Variants in MCTP1 observed in about 807,000 individuals in gnomAD.
MCTP1 encodes multiple C2 and transmembrane domain-containing protein 1.
A neutral mutation model predicts 120.6 loss-of-function variants in MCTP1; 69 were observed. That is an observed-to-expected ratio of 0.57 (90% CI 0.47 to 0.70). The LOEUF is 0.70. Among genes scored for constraint, MCTP1 ranks in the 30% least tolerant of loss-of-function variants. The pLI, the probability that MCTP1 is intolerant of heterozygous loss-of-function variation, is 0.00. For missense variants in MCTP1, 1,203 were observed against 1,248.8 expected (o/e 0.96, Z 0.55); for synonymous variants, 529 against 493.1 (o/e 1.07, Z -0.96).
At chr5:94,970,344 G>A (rs1161184993) in intron 2 of MCTP1, among the ~76,000 whole-genome samples, 1 of 151,654 alleles carries the variant, frequency 6.6e-6, no homozygotes, top group Non-Finnish European at 1.5e-5. Flanking sequence ...TTCAAATTTG[G>A]GATATATATG....
chr5:94,863,665 C>T (rs1254626433), intron 17 of MCTP1, among the ~76,000 whole-genome samples: 2 of 151,812 alleles, frequency 1.3e-5, no homozygotes, highest in Non-Finnish European at 2.9e-5. Flanking sequence ...TTTGTAATAA[C>T]TTTTTAAAAA....
intron 1 of MCTP1, among the ~76,000 whole-genome samples, chr5:95,055,236 T>C (rs1747070902): frequency 6.6e-6 from 1 of 152,218 alleles, no homozygotes; most frequent in South Asian, 2.1e-4. Context: ...TTTTTAACTG[T>C]ATTTACTGGA....
At chr5:95,202,820 T>C (rs1751218581) in intron 1 of MCTP1, among the ~76,000 whole-genome samples, 1 of 152,138 alleles carries the variant, frequency 6.6e-6, no homozygotes, top group Non-Finnish European at 1.5e-5. Flanking sequence ...CACCGCCTCC[T>C]GGGCTCAAGA....
Position 95,284,308 on chromosome 5 carries a change from G to A in MCTP1, c.268C>T (p.Arg90Ter), listed in dbSNP as rs778611095. 3.1e-6 allele frequency: 5 copies of A among 1,597,106 alleles called. No individual in the cohort carries two copies. The African/African-American group carries it at 5.4e-5, about 17-fold the overall frequency. The part of the protein sequence containing the change: ...GFKKRKQVLD[R>*]VFSSSQPNLC... ...TTGGGCTGCGAGGAGGAGAAGACTC[G>A]GTCCAGCACTTGCTTCCGCTTCTTG... Residue 90 changes from arginine (R) to a stop codon, truncating the protein, a stop_gained, in exon 1 of 23, where the codon CGA (arginine) becomes TGA (stop). Coordinates refer to ENST00000515393, the MANE Select transcript of MCTP1 (RefSeq NM_024717.7). LOFTEE classifies it high-confidence loss of function. This position sits in a 1 kb window ranked among gnomAD's most constrained non-coding sequence, Gnocchi z 5.2.
At chr5:94,957,366 C>A (rs1223738707) in intron 2 of MCTP1, among the ~76,000 whole-genome samples, 2 of 151,942 alleles carry the variant, frequency 1.3e-5, no homozygotes, top group Non-Finnish European at 2.9e-5. Context: ...AACTAATGGG[C>A]GAAATAACCA....
intron 1 of MCTP1, among the ~76,000 whole-genome samples, chr5:95,210,029 C>G (rs1462653629): frequency 6.6e-6 from 1 of 152,108 alleles, no homozygotes; most frequent in East Asian, 1.9e-4. Context: ...GCACTGTGGT[C>G]TGAGAGATAG....
At chr5:95,056,842 A>G (rs1218982507) in intron 1 of MCTP1, among the ~76,000 whole-genome samples, 1 of 152,094 alleles carries the variant, frequency 6.6e-6, no homozygotes, top group Non-Finnish European at 1.5e-5. Flanking sequence ...TTCCTGAAAA[A>G]GAATGAACTC....
chr5:95,176,683 A>C (rs931250030), intron 1 of MCTP1, among the ~76,000 whole-genome samples: 3 of 152,064 alleles, frequency 2.0e-5, no homozygotes, highest in Admixed American at 1.3e-4. Flanking sequence ...CCCTGTCTCT[A>C]CTAAAAATAC....
chr5:95,206,536 G>A (rs1029878809), intron 1 of MCTP1, among the ~76,000 whole-genome samples: 1 of 152,070 alleles, frequency 6.6e-6, no homozygotes, highest in East Asian at 1.9e-4. Flanking sequence ...TCATTTTATA[G>A]ATTTTGTTTG....
intron 6 of MCTP1, among the ~76,000 whole-genome samples, chr5:94,927,776 C>T (rs1455141336): frequency 2.6e-5 from 4 of 152,080 alleles, no homozygotes; most frequent in African/African-American, 9.7e-5. Context: ...TTAACTACTA[C>T]GCCCTGCAGA....
At chr5:94,799,905 A>G (rs1047891587) in intron 17 of MCTP1, among the ~76,000 whole-genome samples, 8 of 152,144 alleles carry the variant, frequency 5.3e-5, no homozygotes, top group Admixed American at 4.6e-4. Context: ...ATAAAGTATG[A>G]CTCACCCCCA....
At chr5:94,741,845 T>G (rs1765594502) in intron 19 of MCTP1, among the ~76,000 whole-genome samples, 1 of 152,230 alleles carries the variant, frequency 6.6e-6, no homozygotes, top group Admixed American at 6.5e-5. Context: ...CTTGTGACTT[T>G]GCATGAATTC....
chr5:95,133,505 A>G (rs891112028), intron 1 of MCTP1, among the ~76,000 whole-genome samples: 2 of 152,166 alleles, frequency 1.3e-5, no homozygotes, highest in Non-Finnish European at 2.9e-5. Flanking sequence ...AATACAAAAA[A>G]TTAGCCGGGT....
At chr5:95,149,820 C>T (rs567647165) in intron 1 of MCTP1, among the ~76,000 whole-genome samples, 1 of 150,894 alleles carries the variant, frequency 6.6e-6, no homozygotes, top group East Asian at 1.9e-4. Flanking sequence ...CCAGGAACCT[C>T]ATAGGGTTTC....
chr5:95,011,306 GT>G (rs1226752859), intron 2 of MCTP1, among the ~76,000 whole-genome samples: 1 of 151,834 alleles, frequency 6.6e-6, no homozygotes, highest in Non-Finnish European at 1.5e-5. Context: ...TCCCTTCCAC[GT>G]TTTTTTATTG....
chr5:95,203,332 C>G (rs1751279865), intron 1 of MCTP1, among the ~76,000 whole-genome samples: 1 of 152,128 alleles, frequency 6.6e-6, no homozygotes, highest in Non-Finnish European at 1.5e-5. Flanking sequence ...CCCCAAAAGA[C>G]AAGTCTATCC....
intron 2 of MCTP1, among the ~76,000 whole-genome samples, chr5:95,015,847 A>G (rs969035506): frequency 6.6e-6 from 1 of 152,112 alleles, no homozygotes; most frequent in Non-Finnish European, 1.5e-5. Context: ...AAATTATTGT[A>G]TATATATGCA....
At chr5:95,201,468 T>G (rs947783109) in intron 1 of MCTP1, among the ~76,000 whole-genome samples, 14 of 2,546 alleles carry the variant, frequency 5.5e-3, no homozygotes, top group Admixed American at 0.012. Flanking sequence ...AAAGTGGTTT[T>G]TTTTTTTTTT....
intron 1 of MCTP1, among the ~76,000 whole-genome samples, chr5:95,241,531 G>A (rs1756161859): frequency 6.6e-6 from 1 of 152,148 alleles, no homozygotes; most frequent in African/African-American, 2.4e-5. Context: ...TCCTGCTAAA[G>A]CTTAGCCAAT....
Sources: allele counts gnomAD v4.1 joint callset (sites outside exome capture counted in the v4.1 genomes callset), GRCh38; gene constraint gnomAD v4.1.1; non-coding constraint Gnocchi (gnomAD v3.1); transcripts MANE v1.5; gene names NCBI Gene and HGNC (gene_info 2026-07-23, HGNC 2026-07-21).